Variants in ARHGEF11 observed in about 807,000 individuals in gnomAD.
ARHGEF11 encodes the protein Rho guanine nucleotide exchange factor 11.
A neutral mutation model predicts 193.7 loss-of-function variants in ARHGEF11; 55 were observed. The ratio of observed to expected loss-of-function variants is 0.28; its 90% CI spans 0.23 to 0.36. The LOEUF is 0.36. ARHGEF11 is among the 10% of genes least tolerant of loss of function. The probability of loss-of-function intolerance (pLI) is 1.00; values close to 1 mark genes in which losing one functional copy is unlikely to be tolerated. For missense variants in ARHGEF11, 1,723 were observed against 2,005.6 expected, an observed-to-expected ratio of 0.86 and a Z score of 2.69; for synonymous variants, 693 against 768.0, an observed-to-expected ratio of 0.90 and a Z score of 1.62.
intron 1 of ARHGEF11, among the ~76,000 whole-genome samples, chr1:157,016,930 G>A (rs1231275560): frequency 1.3e-5 from 2 of 151,954 alleles, no homozygotes; most frequent in Non-Finnish European, 2.9e-5. Context: ...TCCCACCTCA[G>A]CCCCCAAGTA....
chr1:157,035,831 T>TATATATATAGGAATATATATATA (rs112484927), intron 1 of ARHGEF11, among the ~76,000 whole-genome samples: 1 of 65,778 alleles, frequency 1.5e-5, no homozygotes, highest in Non-Finnish European at 3.7e-5. Flanking sequence ...AATATATATA[T>TATATATATAGGAATATATATATA]GGAATATATA....
chr1:156,963,085 A>G (rs1477245981), intron 13 of ARHGEF11, 118 bp downstream of exon 13: 7 of 762,972 alleles, frequency 9.2e-6, no homozygotes, highest in African/African-American at 1.7e-5. Context: ...TGTCCTTGAA[A>G]TGCCTGACTG....
intron 1 of ARHGEF11, among the ~76,000 whole-genome samples, chr1:156,996,859 AT>A (rs60592654): frequency 0.18 from 16,511 of 93,652 alleles, 888 homozygotes; most frequent in East Asian, 0.28. Flanking sequence ...CTCTCTCTCT[AT>A]TTTTTTTTTT....
At chr1:156,971,920 C>T (rs114849391) in intron 7 of ARHGEF11, 104 bp from the exon 8 acceptor site, 34,316 of 1,396,312 alleles carry the variant, frequency 0.025, 536 homozygotes, top group South Asian at 0.052. Context: ...TATCCCAAAA[C>T]AAAGATGAGA....
At chr1:156,942,076 T>C (rs1657118043) in intron 33 of ARHGEF11, 87 bp from the exon 34 acceptor site, 1 of 1,596,412 alleles carries the variant, frequency 6.3e-7, no homozygotes, top group Non-Finnish European at 8.5e-7. Flanking sequence ...GGAACAGGGC[T>C]TCCAGGCCCT....
chr1:156,950,240 T>A (rs1295069123), intron 22 of ARHGEF11, among the ~76,000 whole-genome samples: 2 of 152,180 alleles, frequency 1.3e-5, no homozygotes, highest in Non-Finnish European at 2.9e-5. Flanking sequence ...CAGCAAAATC[T>A]TTTAACACGT....
intron 1 of ARHGEF11, among the ~76,000 whole-genome samples, chr1:157,001,022 C>T (rs1267572753): frequency 3.3e-5 from 5 of 152,172 alleles, no homozygotes; most frequent in Non-Finnish European, 5.9e-5. Flanking sequence ...CTTCGAAAAC[C>T]TGTGCGGAAG....
At position 156,957,764 on chromosome 1, in the gene ARHGEF11, T is replaced by C. The variant is rs773365190; in HGVS notation, c.1526+28A>G. 1.9e-6 allele frequency: 3 copies of C among 1,613,076 alleles called. No homozygotes were observed. The Admixed American group carries it at 5.0e-5, about 27-fold the overall frequency. On this transcript the variant is annotated intron_variant, in intron 18 of 40. Coordinates refer to ENST00000368194, the MANE Select transcript of ARHGEF11 (RefSeq NM_198236.3). ...ACCCCACTCCTTCCACCTTGAAAGC[T>C]GCAAATCCACATCATAGACTTGCTT...
At chr1:156,947,595 T>G in intron 25 of ARHGEF11, 145 bp from the exon 26 acceptor site, 2 of 1,343,594 alleles carry the variant, frequency 1.5e-6, no homozygotes, top group Non-Finnish European at 2.0e-6. Context: ...AACTTTTCTC[T>G]TACTCCAAGG....
chr1:156,992,330 C>T (rs910812064), intron 1 of ARHGEF11, among the ~76,000 whole-genome samples: 3 of 152,208 alleles, frequency 2.0e-5, no homozygotes, highest in Non-Finnish European at 2.9e-5. Context: ...CCCGCATTGG[C>T]GCACACATTC....
intron 17 of ARHGEF11, among the ~76,000 whole-genome samples, chr1:156,958,385 C>T (rs1660274937): frequency 6.6e-6 from 1 of 152,224 alleles, no homozygotes; most frequent in South Asian, 2.1e-4. Flanking sequence ...ACTTTATCCA[C>T]TGGGCACACA....
intron 40 of ARHGEF11, among the ~76,000 whole-genome samples, chr1:156,936,525 T>TATATATATATAA (rs1281791788): frequency 1.8e-5 from 2 of 110,516 alleles, no homozygotes; most frequent in Non-Finnish European, 3.7e-5. Context: ...TATATATATA[T>TATATATATATAA]AAAATTAAAA....
intron 7 of ARHGEF11, among the ~76,000 whole-genome samples, chr1:156,972,385 C>T (rs1662610995): frequency 6.6e-6 from 1 of 152,226 alleles, no homozygotes; most frequent in African/African-American, 2.4e-5. Flanking sequence ...GCTGTATAGA[C>T]TTGGGCAAGC....
intron 36 of ARHGEF11, 125 bp downstream of exon 36, chr1:156,940,082 A>G: frequency 7.1e-7 from 1 of 1,401,218 alleles, no homozygotes; most frequent in South Asian, 1.4e-5. Flanking sequence ...CTGTCTCCGC[A>G]TCCATCTCTC....
At chr1:156,952,937 T>G (rs1468788863) in intron 21 of ARHGEF11, among the ~76,000 whole-genome samples, 1 of 152,246 alleles carries the variant, frequency 6.6e-6, no homozygotes, top group African/African-American at 2.4e-5. Context: ...TGGGTGATGA[T>G]GTGGGAGCCT....
In ARHGEF11 at chr1:156,961,784, A is replaced by T. The variant is rs1225790098; in HGVS notation, c.1141-9T>A. 1 of 1,613,472 alleles carries T rather than the reference A, an allele frequency of 6.2e-7. No homozygotes were observed. The highest frequency in any genetic ancestry group is 2.2e-5 in the East Asian group (1 of 44,866). ...GCACACAGGTAAAAAAGCTAGGAGG[A>T]GAGAGAACTGGGTTAGAGCAGTGGT... On this transcript the variant is annotated splice_polypyrimidine_tract_variant and intron_variant, in intron 13 of 40. Coordinates refer to ENST00000368194, the MANE Select transcript of ARHGEF11 (RefSeq NM_198236.3).
intron 40 of ARHGEF11, among the ~76,000 whole-genome samples, chr1:156,936,497 A>ATATATATATATATATAT (rs1553192805): frequency 8.8e-5 from 3 of 33,934 alleles, no homozygotes; most frequent in African/African-American, 1.5e-4. Flanking sequence ...AAAAAAAAAA[A>ATATATATATATATATAT]ATATATATAT....
intron 30 of ARHGEF11, 94 bp from the exon 31 acceptor site, chr1:156,944,527 T>C: frequency 7.4e-7 from 1 of 1,346,866 alleles, no homozygotes; most frequent in Non-Finnish European, 1.1e-6. Context: ...GTTAAGGTGC[T>C]GGGAATTGGT....
At chr1:156,963,148 T>C in intron 13 of ARHGEF11, 55 bp downstream of exon 13, 1 of 1,365,806 alleles carries the variant, frequency 7.3e-7, no homozygotes, top group South Asian at 1.2e-5. Flanking sequence ...AGGCTAGAGG[T>C]CCTCTCTGCC....
Sources: gnomAD v4.1 joint callset for allele counts (sites outside exome capture counted in the v4.1 genomes callset) on GRCh38, gnomAD v4.1.1 for gene constraint, MANE v1.5 for transcripts, NCBI Gene and HGNC (gene_info 2026-07-23, HGNC 2026-07-21) for gene names.